TBL1XR1: variants seen among roughly 807,000 people sequenced by gnomAD.
TBL1XR1 encodes F-box-like/WD repeat-containing protein TBL1XR1.
A neutral mutation model predicts 66.9 loss-of-function variants in TBL1XR1; 5 were observed. The observed-to-expected ratio is 0.07, with a 90% CI of 0.04 to 0.16. The LOEUF is 0.16. Ranked by LOEUF, TBL1XR1 falls within the 10% of genes least tolerant of loss-of-function variation. The probability of loss-of-function intolerance (pLI) is 1.00; values close to 1 mark genes in which losing one functional copy is unlikely to be tolerated. For synonymous variants in TBL1XR1, 210 were observed against 206.0 expected (o/e 1.02, Z -0.17); for missense variants, 238 against 623.2 (o/e 0.38, Z 6.58).
At chr3:177,159,188 TAGGTTTA>T (rs1731875598) in intron 1 of TBL1XR1, among the ~76,000 whole-genome samples, 1 of 151,928 alleles carries the variant, frequency 6.6e-6, no homozygotes, top group South Asian at 2.1e-4. Flanking sequence ...GTTTCTACCA[TAGGTTTA>T]AAAAGCTGAG....
At chr3:177,139,983 A>C (rs1343307725) in intron 1 of TBL1XR1, among the ~76,000 whole-genome samples, 1 of 152,188 alleles carries the variant, frequency 6.6e-6, no homozygotes, top group Non-Finnish European at 1.5e-5. Flanking sequence ...ACAATATAGC[A>C]GTGTCCACCA....
chr3:177,109,903 T>C (rs529544918), intron 1 of TBL1XR1, among the ~76,000 whole-genome samples: 1 of 152,154 alleles, frequency 6.6e-6, no homozygotes, highest in African/African-American at 2.4e-5. Flanking sequence ...CGATGTTCTG[T>C]GTACAGACAA....
At chr3:177,163,283 G>A (rs755909610) in intron 1 of TBL1XR1, among the ~76,000 whole-genome samples, 1 of 152,174 alleles carries the variant, frequency 6.6e-6, no homozygotes, top group African/African-American at 2.4e-5. Context: ...AAGGCGGGCA[G>A]ATCACTTGAG....
chr3:177,098,424 A>G, intron 2 of TBL1XR1, 42 bp downstream of exon 2: 4 of 957,584 alleles, frequency 4.2e-6, no homozygotes, highest in Non-Finnish European at 5.0e-6. Flanking sequence ...TCTAAAAACA[A>G]GAGAATAAGA....
intron 1 of TBL1XR1, among the ~76,000 whole-genome samples, chr3:177,102,105 T>C (rs942137320): frequency 1.3e-5 from 2 of 152,224 alleles, no homozygotes; most frequent in Non-Finnish European, 2.9e-5. Flanking sequence ...TTCTAACTTT[T>C]CGGTCATCAG....
chr3:177,052,631 GTCAC>G (rs746976077), intron 4 of TBL1XR1, among the ~76,000 whole-genome samples: 6 of 152,110 alleles, frequency 3.9e-5, no homozygotes, highest in South Asian at 4.1e-4. Context: ...TTACTGGATG[GTCAC>G]TCAAAGAGCT....
At chr3:177,051,400 GA>G in intron 5 of TBL1XR1, 103 bp downstream of exon 5, 1 of 994,092 alleles carries the variant, frequency 1.0e-6, no homozygotes, top group Non-Finnish European at 1.5e-6. Flanking sequence ...CCTGTGATAT[GA>G]GTTCATCTAT....
At chr3:177,191,522 G>C (rs997705816) in intron 1 of TBL1XR1, among the ~76,000 whole-genome samples, 2 of 152,150 alleles carry the variant, frequency 1.3e-5, no homozygotes, top group African/African-American at 4.8e-5. Context: ...ACTTGTCAAA[G>C]CACCTGTATA....
chr3:177,032,762 A>G, intron 14 of TBL1XR1: 2 of 338,626 alleles, frequency 5.9e-6, no homozygotes, highest in East Asian at 8.4e-5. Context: ...AGAATACAAT[A>G]ATAAATAATA....
intron 2 of TBL1XR1, among the ~76,000 whole-genome samples, chr3:177,085,515 G>C (rs963996827): frequency 1.6e-4 from 24 of 152,100 alleles, no homozygotes; most frequent in Admixed American, 1.6e-3. Context: ...GATGATCCAG[G>C]TGTCAGAATT....
chr3:177,064,332 A>C (rs908691510), intron 3 of TBL1XR1, among the ~76,000 whole-genome samples: 1 of 152,120 alleles, frequency 6.6e-6, no homozygotes, highest in Non-Finnish European at 1.5e-5. Context: ...TTTTTGCTTA[A>C]TCCATCCACA....
Position 177,020,150 on chromosome 3 carries a change from T to A in TBL1XR1, c.*5348A>T, listed in dbSNP as rs1388167760. The stretch of plus-strand genomic sequence containing the variant: ...AATGATTCAACTATAATTGGCTTGT[T>A]GTGAAGCAAAAAAAGGTCACCGAGA... On this transcript the variant is annotated 3_prime_UTR_variant, in exon 16 of 16. Transcript: ENST00000457928. 1 of 152,068 alleles carries A rather than the reference T, an allele frequency of 6.6e-6. No homozygotes were observed. The allele number at this position is 152,068 out of a possible 1,614,324, so 9.4% of individuals were successfully genotyped here.
chr3:177,193,923 G>A (rs906055663), intron 1 of TBL1XR1: 1 of 152,146 alleles, frequency 6.6e-6, no homozygotes, highest in Non-Finnish European at 1.5e-5. Context: ...CACAAAAAAA[G>A]CCCAACACTA....
At chr3:177,036,106 C>T (rs901553619) in intron 12 of TBL1XR1, among the ~76,000 whole-genome samples, 3 of 152,166 alleles carry the variant, frequency 2.0e-5, no homozygotes, top group African/African-American at 4.8e-5. Flanking sequence ...GGAACCAGGC[C>T]GCGTTCAGCC....
chr3:177,172,869 A>C (rs1410985934), intron 1 of TBL1XR1, among the ~76,000 whole-genome samples: 1 of 151,410 alleles, frequency 6.6e-6, no homozygotes, highest in African/African-American at 2.4e-5. Context: ...TAATTACCAC[A>C]GTGGTTTTAA....
upstream of TBL1XR1, among the ~76,000 whole-genome samples, chr3:177,200,331 T>C (rs1228301767): frequency 6.6e-6 from 1 of 152,226 alleles, no homozygotes; most frequent in Non-Finnish European, 1.5e-5. Flanking sequence ...GGAAAGGCCT[T>C]GATTCTTCCA....
intron 1 of TBL1XR1, among the ~76,000 whole-genome samples, chr3:177,146,449 G>T (rs1177716317): frequency 6.6e-6 from 1 of 151,378 alleles, no homozygotes; most frequent in Non-Finnish European, 1.5e-5. Context: ...ACCATGCCCA[G>T]GTAATTTTTT....
rs983335940 is a variant in TBL1XR1 at position 177,020,991 on chromosome 3, A to C, written c.*4507T>G. 3 of 152,176 alleles carry C rather than the reference A, an allele frequency of 2.0e-5. No individual in the cohort carries two copies. 9.4% of individuals were successfully genotyped at this position (152,176 alleles called of 1,614,324 possible). On this transcript the variant is annotated 3_prime_UTR_variant, in exon 16 of 16. Coordinates refer to ENST00000457928, the MANE Select transcript of TBL1XR1 (RefSeq NM_024665.7). ...TCTACATCAGTCTTCCTTACACAATAATCATGAAAACTGAACAATGAAGTT... is the reference window on the plus strand; with the variant it reads ...TCTACATCAGTCTTCCTTACACAATCATCATGAAAACTGAACAATGAAGTT...
intron 12 of TBL1XR1, 53 bp from the exon 13 acceptor site, chr3:177,034,378 TTAAAA>T (rs1714465685): frequency 1.0e-5 from 13 of 1,302,064 alleles, no homozygotes; most frequent in East Asian, 2.7e-5. Context: ...ATGAGTATAT[TTAAAA>T]TATTATTTTG....
Sources: allele counts gnomAD v4.1 joint callset (sites outside exome capture counted in the v4.1 genomes callset), GRCh38; gene constraint gnomAD v4.1.1; transcripts MANE v1.5; gene names NCBI Gene and HGNC (gene_info 2026-07-23, HGNC 2026-07-21).